Variants in PCDHGB6 observed in about 807,000 individuals in gnomAD.
PCDHGB6 encodes the protein protocadherin gamma-B6.
PCDHGB6 carries 51 observed loss-of-function variants against 59.1 expected under a neutral mutation model. The observed-to-expected ratio is 0.86, with a 90% CI of 0.69 to 1.09. The LOEUF is 1.09. Among genes scored for constraint, PCDHGB6 ranks in the 50% least tolerant of loss-of-function variants. The probability of loss-of-function intolerance (pLI) is 0.00; values close to 1 mark genes in which losing one functional copy is unlikely to be tolerated. For synonymous variants in PCDHGB6, 466 were observed against 495.1 expected, an observed-to-expected ratio of 0.94 and a Z score of 0.78; for missense variants, 1,148 against 1,205.1, an observed-to-expected ratio of 0.95 and a Z score of 0.70.
Position 141,512,106 on chromosome 5 carries a change from T to A in PCDHGB6, c.*933T>A, listed in dbSNP as rs2099884076. 6.6e-6 allele frequency: 1 copy of A among 152,630 alleles called. No homozygotes were observed. Among genetic ancestry groups the A allele is most frequent in the Non-Finnish European group, 1.5e-5 (1 of 68,060 alleles). 9.5% of individuals were successfully genotyped at this position (152,630 alleles called of 1,614,324 possible). On this transcript the variant is annotated 3_prime_UTR_variant, in exon 4 of 4. Transcript: ENST00000520790. ...TAAACCAATAACTAGGCTGGACCCT[T>A]CCCACTACATAATAGGGCTCAGCCC...
chr5:141,424,697 T>C (rs1467404367), intron 1 of PCDHGB6: 4 of 152,342 alleles, frequency 2.6e-5, no homozygotes, highest in South Asian at 4.1e-4. Context: ...GGCTATTTTT[T>C]TGTTCATTTT....
chr5:141,501,945 T>C (rs1318749969), intron 2 of PCDHGB6, among the ~76,000 whole-genome samples: 1 of 152,106 alleles, frequency 6.6e-6, no homozygotes, highest in Non-Finnish European at 1.5e-5. Context: ...CACTGCTCCC[T>C]GTGACAGGTC....
chr5:141,419,830 T>G, intron 1 of PCDHGB6: 1 of 1,614,052 alleles, frequency 6.2e-7, no homozygotes, highest in African/African-American at 1.3e-5. Context: ...TTTCAGCCAC[T>G]GCCACGCTGC....
intron 1 of PCDHGB6, chr5:141,479,722 T>C (rs2099504690): frequency 6.6e-6 from 1 of 152,240 alleles, no homozygotes; most frequent in African/African-American, 2.4e-5. Context: ...CCAGCCTTAT[T>C]TTTCTTAAGT....
At chr5:141,437,032 C>T (rs2097859215) in intron 1 of PCDHGB6, among the ~76,000 whole-genome samples, 1 of 152,182 alleles carries the variant, frequency 6.6e-6, no homozygotes, top group Admixed American at 6.5e-5. Context: ...GAAAATGGAT[C>T]ACCGAAACCA....
At chr5:141,454,665 CA>C (rs2098795764) in intron 1 of PCDHGB6, among the ~76,000 whole-genome samples, 3 of 152,058 alleles carry the variant, frequency 2.0e-5, no homozygotes, top group Non-Finnish European at 4.4e-5. Flanking sequence ...CTCGGCCTCC[CA>C]AAACACTGGG....
At chr5:141,414,320 A>C (rs372261571) in intron 1 of PCDHGB6, 7 of 1,613,840 alleles carry the variant, frequency 4.3e-6, no homozygotes, top group Non-Finnish European at 5.9e-6. Flanking sequence ...GACTCTGAGC[A>C]GAATGGACAG....
chr5:141,431,553 A>T lies in PCDHGB6; in HGVS notation c.2418+20933A>T, dbSNP rs762863300. On this transcript the variant is annotated intron_variant, in intron 1 of 3. Coordinates refer to ENST00000520790, the MANE Select transcript of PCDHGB6 (RefSeq NM_018926.3). The surrounding 1 kb of genome is among the most constrained non-coding windows in gnomAD (Gnocchi z 4.8). Reference sequence around the variant, plus strand: ...TTGGGCACGCAGCTGCTTGTAGTCAACGCTACCGACCCTGACGAAGGAGTC... The same window carrying T: ...TTGGGCACGCAGCTGCTTGTAGTCATCGCTACCGACCCTGACGAAGGAGTC... The T allele has an allele frequency of 1.1e-5, 18 of 1,613,994 alleles. 1 individual carries two copies. Among genetic ancestry groups the T allele is most frequent in the Non-Finnish European group, 3.4e-6 (4 of 1,180,028 alleles).
chr5:141,415,041 G>T, intron 1 of PCDHGB6: 1 of 1,613,530 alleles, frequency 6.2e-7, no homozygotes, highest in Non-Finnish European at 8.5e-7. Flanking sequence ...GACTCTTCGC[G>T]GTGGGGGAGC....
chr5:141,493,641 G>A lies in PCDHGB6; in HGVS notation c.2419-1166G>A, dbSNP rs547664603. Among the ~76,000 whole-genome samples, 2 of 152,240 alleles carry A rather than the reference G, an allele frequency of 1.3e-5. No individual in the cohort carries two copies. The highest frequency in any genetic ancestry group is 3.9e-4 in the East Asian group (2 of 5,172). On this transcript the variant is annotated intron_variant, in intron 1 of 3. Coordinates refer to ENST00000520790, the MANE Select transcript of PCDHGB6 (RefSeq NM_018926.3). The surrounding 1 kb of genome is among the most constrained non-coding windows in gnomAD (Gnocchi z 4.3). The stretch of plus-strand genomic sequence containing the variant: ...CTAAGAATACAGTGGCTGAGGGCTG[G>A]CCATCCCTGTGCCCTTCTCCATGGC...
In PCDHGB6 at chr5:141,461,259, T is replaced by C. The variant is rs114101293; in HGVS notation, c.2419-33548T>C. Among the ~76,000 whole-genome samples the C allele has an allele frequency of 4.2e-3, 640 of 152,290 alleles. 5 individuals are homozygous for C. The highest frequency in any genetic ancestry group is 0.015 in the African/African-American group (623 of 41,554). On this transcript the variant is annotated intron_variant, in intron 1 of 3. Coordinates refer to ENST00000520790, the MANE Select transcript of PCDHGB6 (RefSeq NM_018926.3). ...TACTAATTTATATTCCCAGCAGCAA[T>C]GTGTAAGTGTTCTCTTTTCCCCACA...
At position 141,455,318 on chromosome 5, in the gene PCDHGB6, G is replaced by A. The variant is rs534507768; in HGVS notation, c.2419-39489G>A. On this transcript the variant is annotated intron_variant, in intron 1 of 3. Transcript: ENST00000520790. ...TTTCATCTTGCATTAGCAATTTTGT[G>A]TGTGTGTTTGTGGTTTTAAGGAGCG... is the stretch of plus-strand genomic sequence containing the variant. Among the ~76,000 whole-genome samples the A allele has an allele frequency of 2.4e-4, 37 of 152,186 alleles. No individual in the cohort carries two copies. The South Asian group carries it at 5.6e-3, about 23-fold the overall frequency.
In PCDHGB6 at chr5:141,476,966, G is replaced by C. The variant is rs780645226; in HGVS notation, c.2419-17841G>C. The C allele has an allele frequency of 1.2e-6, 2 of 1,614,152 alleles. No homozygotes were observed. Among genetic ancestry groups the C allele is most frequent in the Non-Finnish European group, 1.7e-6 (2 of 1,180,032 alleles). On this transcript the variant is annotated intron_variant, in intron 1 of 3. Coordinates refer to ENST00000520790, the MANE Select transcript of PCDHGB6 (RefSeq NM_018926.3). This position sits in a 1 kb window ranked among gnomAD's most constrained non-coding sequence, Gnocchi z 7.6. ...CAACGGTGAAATTATTTACTCCTTCGGCAGCCACAACCGCGCCGGCGTGCG... is the reference window on the plus strand; with the variant it reads ...CAACGGTGAAATTATTTACTCCTTCCGCAGCCACAACCGCGCCGGCGTGCG...
chr5:141,458,366 GGAGAA>G (rs1437271099), intron 1 of PCDHGB6, among the ~76,000 whole-genome samples: 1 of 152,090 alleles, frequency 6.6e-6, no homozygotes, highest in African/African-American at 2.4e-5. Flanking sequence ...AAGAAGGAAG[GGAGAA>G]GAGAGAAGGA....
rs1368451336 is a variant in PCDHGB6 at position 141,505,377 on chromosome 5, C to T, written c.2478-16C>T. ...CGGCCTGGGAGTCTGTGCTCACCAT[C>T]CTACTCTCTCCCCAGCTCCCAAAAT... On this transcript the variant is annotated splice_polypyrimidine_tract_variant and intron_variant, in intron 2 of 3. Transcript: ENST00000520790. The T allele has an allele frequency of 6.2e-7, 1 of 1,614,036 alleles. No individual in the cohort carries two copies. Among genetic ancestry groups the T allele is most frequent in the Non-Finnish European group, 8.5e-7 (1 of 1,179,954 alleles).
At chr5:141,437,589 T>C (rs929281293) in intron 1 of PCDHGB6, among the ~76,000 whole-genome samples, 10 of 152,306 alleles carry the variant, frequency 6.6e-5, no homozygotes, top group African/African-American at 2.2e-4. Flanking sequence ...ATGAATTGGA[T>C]AGTTCTGGTG....
intron 1 of PCDHGB6, among the ~76,000 whole-genome samples, chr5:141,462,105 G>A (rs2099031983): frequency 6.6e-6 from 1 of 152,170 alleles, no homozygotes; most frequent in South Asian, 2.1e-4. Flanking sequence ...TTACAGGCAT[G>A]AGCCACTGCA....
rs192741775 is a variant in PCDHGB6, at chr5:141,428,173, C to A, written c.2418+17553C>A. The A allele has an allele frequency of 3.2e-4, 487 of 1,514,722 alleles. 1 individual carries two copies. In the Middle Eastern group the frequency reaches 7.1e-3, roughly 22 times the overall value. The allele number at this position is 1,514,722 out of a possible 1,614,324, so 93.8% of individuals were successfully genotyped here. On this transcript the variant is annotated intron_variant, in intron 1 of 3. Transcript: ENST00000520790. The stretch of plus-strand genomic sequence containing the variant: ...GGAACCTGCTGGTTGCTGTGCGTGA[C>A]GGAGGACAGCCGCCGCTCTCTGCGC...
At chr5:141,448,359 CTTTA>C in intron 1 of PCDHGB6, among the ~76,000 whole-genome samples, 1 of 152,074 alleles carries the variant, frequency 6.6e-6, no homozygotes, top group East Asian at 1.9e-4. Context: ...TAGTAGTTTT[CTTTA>C]TTTTATTTTT....
Sources: gnomAD v4.1 joint callset for allele counts (sites outside exome capture counted in the v4.1 genomes callset) on GRCh38, gnomAD v4.1.1 for gene constraint, Gnocchi (gnomAD v3.1) non-coding constraint, MANE v1.5 for transcripts, NCBI Gene and HGNC (gene_info 2026-07-23, HGNC 2026-07-21) for gene names.